MED23: variants seen among roughly 807,000 people sequenced by gnomAD.
MED23 encodes the protein mediator of RNA polymerase II transcription subunit 23.
MED23 carries 105 observed loss-of-function variants against 163.9 expected under a neutral mutation model. That is an observed-to-expected ratio of 0.64 (90% CI 0.55 to 0.75). The LOEUF (loss-of-function observed/expected upper bound fraction) is 0.75. Among genes scored for constraint, MED23 ranks in the 30% least tolerant of loss-of-function variants. MED23 has a pLI of 0.00. For missense variants in MED23, 1,054 were observed against 1,649.0 expected (o/e 0.64, Z 6.25); for synonymous variants, 561 against 565.6 (o/e 0.99, Z 0.12).
rs1166052331 is a variant in MED23 at position 131,628,182 on chromosome 6, G to A, written c.-133C>T. Reference sequence around the variant, plus strand: ...CTCCTCGGCGTCGCTTCCTCCCCCAGCGCTTTACCTGGAGCGTTCCCTCCC... The same window carrying A: ...CTCCTCGGCGTCGCTTCCTCCCCCAACGCTTTACCTGGAGCGTTCCCTCCC... On this transcript the variant is annotated 5_prime_UTR_variant, in exon 1 of 29. Transcript: ENST00000368068. 2.4e-5 allele frequency: 25 copies of A among 1,037,554 alleles called. No individual in the cohort carries two copies. In the East Asian group the frequency reaches 5.3e-4, roughly 22 times the overall value. The allele number at this position is 1,037,554 out of a possible 1,614,324, so 64.3% of individuals were successfully genotyped here. A position where few individuals can be genotyped will look rare whatever the true frequency, so the allele number is the denominator to read the frequency against.
At position 131,608,019 on chromosome 6, in the gene MED23, A is replaced by G; in HGVS notation, c.1130T>C (p.Leu377Pro). The G allele has an allele frequency of 6.2e-7, 1 of 1,613,946 alleles. No homozygotes were observed. Among genetic ancestry groups the G allele is most frequent in the Non-Finnish European group, 8.5e-7 (1 of 1,179,904 alleles). Residue 377 changes from leucine (L) to proline (P), a missense_variant, in exon 12 of 29, where the codon CTG (leucine) becomes CCG (proline). Leu to Pro is a moderately conservative substitution (Grantham distance 98). Around this residue, in one of 11 missense-constraint regions of MED23, gnomAD observed 61 missense variants for 154.2 expected, o/e 0.40. Coordinates refer to ENST00000368068, the MANE Select transcript of MED23 (RefSeq NM_004830.4). ...KGRDHLMWVL[L>P]QFISGSIQKN... Reference sequence around the variant, plus strand: ...CTGAATACTTCCAGAAATGAATTGCAGGAGAACCCACATAAGATGATCTCT... The same window carrying G: ...CTGAATACTTCCAGAAATGAATTGCGGGAGAACCCACATAAGATGATCTCT...
intron 24 of MED23, 157 bp from the exon 25 acceptor site, chr6:131,592,617 A>C (rs1774728434): frequency 1.5e-6 from 1 of 688,066 alleles, no homozygotes; most frequent in Non-Finnish European, 2.5e-6. Flanking sequence ...ATAAAAATGT[A>C]ATATGCATAA....
At chr6:131,577,598 CA>C (rs1773682580) in intron 30 of MED23, among the ~76,000 whole-genome samples, 1 of 151,864 alleles carries the variant, frequency 6.6e-6, no homozygotes, top group African/African-American at 2.4e-5. Flanking sequence ...AGATAGTATT[CA>C]ACAATAAAAA....
intron 10 of MED23, among the ~76,000 whole-genome samples, chr6:131,615,066 C>CAA (rs5880072): frequency 5.9e-5 from 4 of 68,240 alleles, no homozygotes; most frequent in East Asian, 4.3e-4. Flanking sequence ...TCTTTGTTAC[C>CAA]AAAAAAAAAA....
At position 131,628,193 on chromosome 6, in the gene MED23, G is replaced by A. The variant is rs759955467; in HGVS notation, c.-144C>T. ...CGCTTCCTCCCCCAGCGCTTTACCTGGAGCGTTCCCTCCCGAGCCCAGCCA... is the reference window on the plus strand; with the variant it reads ...CGCTTCCTCCCCCAGCGCTTTACCTAGAGCGTTCCCTCCCGAGCCCAGCCA... On this transcript the variant is annotated 5_prime_UTR_variant, in exon 1 of 29. Transcript: ENST00000368068. 1.1e-6 allele frequency: 1 copy of A among 929,608 alleles called. No homozygotes were observed. Among genetic ancestry groups the A allele is most frequent in the Non-Finnish European group, 1.7e-6 (1 of 583,174 alleles). The allele number at this position is 929,608 out of a possible 1,614,324, so 57.6% of individuals were successfully genotyped here. A position where few individuals can be genotyped will look rare whatever the true frequency, so the allele number is the denominator to read the frequency against.
Position 131,587,649 on chromosome 6 carries a change from T to G in MED23, c.*30A>C. The stretch of plus-strand genomic sequence containing the variant: ...GAGTCCACTCTCAAAGACGGATATA[T>G]TTCTACTTTCTCCACAGTACAGTCT... On this transcript the variant is annotated 3_prime_UTR_variant, in exon 29 of 29. Transcript: ENST00000368068. 1 of 1,613,880 alleles carries G rather than the reference T, an allele frequency of 6.2e-7. No homozygotes were observed. Among genetic ancestry groups the G allele is most frequent in the Non-Finnish European group, 8.5e-7 (1 of 1,179,892 alleles).
intron 11 of MED23, among the ~76,000 whole-genome samples, chr6:131,608,657 C>T (rs552509450): frequency 5.3e-5 from 8 of 152,238 alleles, no homozygotes; most frequent in African/African-American, 9.6e-5. Flanking sequence ...CCACCGGCTT[C>T]GGCCTCCCAA....
At position 131,598,163 on chromosome 6, in the gene MED23, G is replaced by T; in HGVS notation, c.2607+124C>A. 1 of 977,250 alleles carries T rather than the reference G, an allele frequency of 1.0e-6. No homozygotes were observed. Among genetic ancestry groups the T allele is most frequent in the Non-Finnish European group, 1.5e-6 (1 of 647,072 alleles). 60.5% of individuals were successfully genotyped at this position (977,250 alleles called of 1,614,324 possible). On this transcript the variant is annotated intron_variant, in intron 20 of 28. Coordinates refer to ENST00000368068, the MANE Select transcript of MED23 (RefSeq NM_004830.4). The surrounding 1 kb of genome is among the most constrained non-coding windows in gnomAD (Gnocchi z 4.7). ...TTTCCGGCTCTTTAGGGAAGTGACA[G>T]CAATGCTTGATATAGTATAAATTCA...
At chr6:131,606,689 A>AT (rs1344121306) in intron 12 of MED23, 65 bp from the exon 13 acceptor site, 1 of 1,329,962 alleles carries the variant, frequency 7.5e-7, no homozygotes, top group African/African-American at 1.5e-5. Flanking sequence ...AATTATGTGT[A>AT]TTTTAGTAAT....
At chr6:131,601,722 G>A (rs891657999) in intron 17 of MED23, among the ~76,000 whole-genome samples, 1 of 152,096 alleles carries the variant, frequency 6.6e-6, no homozygotes, top group Admixed American at 6.6e-5. Context: ...TATTAGAGAA[G>A]CAAAAATGTC....
At position 131,587,498 on chromosome 6, in the gene MED23, G is replaced by C. The variant is rs1774254308; in HGVS notation, c.*181C>G. ...TTGATCTCTTAGAGACAAAAATATA[G>C]ATAGGGAGATGGGAGTTATAAGGTG... On this transcript the variant is annotated 3_prime_UTR_variant, in exon 29 of 29. Transcript: ENST00000368068. 1.3e-5 allele frequency: 18 copies of C among 1,438,518 alleles called. No individual in the cohort carries two copies. Among genetic ancestry groups the C allele is most frequent in the Non-Finnish European group, 1.5e-5 (16 of 1,099,500 alleles). 89.1% of individuals were successfully genotyped at this position (1,438,518 alleles called of 1,614,324 possible). A position where few individuals can be genotyped will look rare whatever the true frequency, so the allele number is the denominator to read the frequency against.
intron 9 of MED23, among the ~76,000 whole-genome samples, chr6:131,617,339 G>A (rs1484922949): frequency 2.7e-5 from 4 of 149,764 alleles, no homozygotes; most frequent in African/African-American, 9.8e-5. Context: ...GTCCCCTTAG[G>A]TGGATGGACG....
rs376582972 is a variant in MED23 at position 131,603,237 on chromosome 6, A to G, written c.1757-33T>C. 3 of 1,597,464 alleles carry G rather than the reference A, an allele frequency of 1.9e-6. No homozygotes were observed. In the African/African-American group the frequency reaches 4.0e-5, roughly 21 times the overall value. Reference sequence around the variant, plus strand: ...AAAAAGACAATTTAAGGTACCAATTATTAAAGGCTATGCATGAAAAGATAT... The same window carrying G: ...AAAAAGACAATTTAAGGTACCAATTGTTAAAGGCTATGCATGAAAAGATAT... On this transcript the variant is annotated intron_variant, in intron 15 of 28. Transcript: ENST00000368068.
In MED23 at chr6:131,599,165, A is replaced by C. The variant is rs369785086; in HGVS notation, c.2221-404T>G. Among the ~76,000 whole-genome samples the C allele has an allele frequency of 5.3e-4, 80 of 152,314 alleles. 1 individual carries two copies. The South Asian group carries it at 0.015, about 29-fold the overall frequency. On this transcript the variant is annotated intron_variant, in intron 18 of 28. Transcript: ENST00000368068. ...TCCCAACACCAGCGGTATCAGCATC[A>C]TCTGGGTCTTACAAGAAATGCAAAA...
chr6:131,575,224 A>G (rs1041830712), intron 30 of MED23, among the ~76,000 whole-genome samples: 10 of 152,212 alleles, frequency 6.6e-5, no homozygotes, highest in African/African-American at 2.2e-4. Flanking sequence ...GGAGAAGGGT[A>G]AAAAAGCCAA....
chr6:131,620,534 C>A (rs1307729002), intron 7 of MED23, 94 bp downstream of exon 7: 1 of 823,256 alleles, frequency 1.2e-6, no homozygotes, highest in Non-Finnish European at 2.1e-6. Flanking sequence ...CTCTTGTCCT[C>A]AAATCATCTT....
chr6:131,618,776 A>G (rs1008881802), intron 8 of MED23, among the ~76,000 whole-genome samples: 3 of 152,258 alleles, frequency 2.0e-5, no homozygotes, highest in Non-Finnish European at 2.9e-5. Context: ...TCAGCCAACT[A>G]TAATCCATGG....
chr6:131,624,776 C>T, intron 4 of MED23, 89 bp downstream of exon 4: 1 of 1,431,718 alleles, frequency 7.0e-7, no homozygotes, highest in Non-Finnish European at 9.8e-7. Context: ...TCTTCATTCT[C>T]TTACCTTTTT....
At chr6:131,578,201 A>G (rs1228623945) in intron 30 of MED23, among the ~76,000 whole-genome samples, 1 of 151,656 alleles carries the variant, frequency 6.6e-6, no homozygotes, top group Non-Finnish European at 1.5e-5. Flanking sequence ...AAAAAAAAAA[A>G]AGACAAATAC....
Sources: allele counts gnomAD v4.1 joint callset (sites outside exome capture counted in the v4.1 genomes callset), GRCh38; gene constraint gnomAD v4.1.1; regional missense constraint gnomAD v4.1.1; non-coding constraint Gnocchi (gnomAD v3.1); transcripts MANE v1.5; gene names NCBI Gene and HGNC (gene_info 2026-07-23, HGNC 2026-07-21).